Variants in GATA4 observed in about 807,000 individuals in gnomAD.
GATA4 encodes the protein transcription factor GATA-4.
Under a neutral mutation model 37.9 loss-of-function variants are expected in GATA4, and 7 were observed. The observed-to-expected ratio is 0.18, with a 90% CI of 0.11 to 0.35. GATA4 has a LOEUF of 0.35. Among genes scored for constraint, GATA4 ranks in the 10% least tolerant of loss-of-function variants. The pLI, the probability that GATA4 is intolerant of heterozygous loss-of-function variation, is 1.00. For missense variants in GATA4, 647 were observed against 653.0 expected (o/e 0.99, Z 0.10); for synonymous variants, 372 against 292.6 (o/e 1.27, Z -2.77).
At chr8:11,696,654 A>G (rs1245150081) in intron 1 of GATA4, among the ~76,000 whole-genome samples, 2 of 152,220 alleles carry the variant, frequency 1.3e-5, no homozygotes, top group East Asian at 3.9e-4. Flanking sequence ...GCTCATTGCA[A>G]ATAGTATATC....
intron 1 of GATA4, among the ~76,000 whole-genome samples, chr8:11,680,128 G>T (rs557460867): frequency 3.3e-5 from 5 of 152,354 alleles, no homozygotes; most frequent in African/African-American, 9.6e-5. Context: ...CGCGCAGCCC[G>T]CGGGGAAAAC....
intron 1 of GATA4, among the ~76,000 whole-genome samples, chr8:11,682,242 C>T (rs1585544471): frequency 6.6e-6 from 1 of 152,310 alleles, no homozygotes; most frequent in East Asian, 1.9e-4. Flanking sequence ...GATGGCTTCT[C>T]CTGCTACATC....
chr8:11,715,333 T>A (rs1026531709), intron 2 of GATA4, among the ~76,000 whole-genome samples: 42 of 152,242 alleles, frequency 2.8e-4, no homozygotes, highest in African/African-American at 9.9e-4. Flanking sequence ...GCCTTGGAAC[T>A]TTTTGAATTT....
intron 2 of GATA4, among the ~76,000 whole-genome samples, chr8:11,717,745 A>G (rs1342097787): frequency 1.3e-5 from 2 of 152,164 alleles, no homozygotes; most frequent in Non-Finnish European, 2.9e-5. Flanking sequence ...GCTTCCCACC[A>G]ATCACTGTCT....
intron 1 of GATA4, chr8:11,681,229 G>C: frequency 2.0e-6 from 2 of 985,348 alleles, no homozygotes; most frequent in Non-Finnish European, 2.4e-6. Flanking sequence ...ATTTCTCGAC[G>C]TTTGGGGACT....
chr8:11,701,244 G>GAAAAAA (rs56051265), upstream of GATA4, among the ~76,000 whole-genome samples: 1 of 126,416 alleles, frequency 7.9e-6, no homozygotes, highest in Non-Finnish European at 1.6e-5. Flanking sequence ...CAGGTTCTTA[G>GAAAAAA]AAAAAAAAAA....
chr8:11,727,201 A>C (rs1007002973), intron 2 of GATA4, among the ~76,000 whole-genome samples: 1 of 152,172 alleles, frequency 6.6e-6, no homozygotes, highest in African/African-American at 2.4e-5. Flanking sequence ...CAGAAGTGAC[A>C]AGACACTTTT....
At position 11,759,763 on chromosome 8, in the gene GATA4, T is replaced by C. The variant is rs1802802228; in HGVS notation, c.*1288T>C. On this transcript the variant is annotated 3_prime_UTR_variant, in exon 7 of 7. Coordinates refer to ENST00000532059, the MANE Select transcript of GATA4 (RefSeq NM_001308093.3). ...TCCTTCCTCTTTCTCAGCAGAGCTGTAGCTGACTGTGGCATTACTACGCCT... is the reference window on the plus strand; with the variant it reads ...TCCTTCCTCTTTCTCAGCAGAGCTGCAGCTGACTGTGGCATTACTACGCCT... 6.6e-6 allele frequency: 1 copy of C among 152,286 alleles called. No homozygotes were observed. The highest frequency in any genetic ancestry group is 1.5e-5 in the Non-Finnish European group (1 of 68,068). 9.4% of individuals were successfully genotyped at this position (152,286 alleles called of 1,614,324 possible). A position where few individuals can be genotyped will look rare whatever the true frequency, so the allele number is the denominator to read the frequency against.
Position 11,756,968 on chromosome 8 carries a change from G to C in GATA4, c.1034G>C (p.Ser345Thr). 1 of 1,614,234 alleles carries C rather than the reference G, an allele frequency of 6.2e-7. No individual in the cohort carries two copies. The highest frequency in any genetic ancestry group is 8.5e-7 in the Non-Finnish European group (1 of 1,180,052). ...PSGSESLPPA[S>T]GASSNSSNAT... is the part of the protein sequence containing the mutation. Reference sequence around the variant, plus strand: ...GGCAGTGAGAGCCTTCCTCCCGCCAGCGGTGCTTCCAGCAACTCCAGCAAC... The same window carrying C: ...GGCAGTGAGAGCCTTCCTCCCGCCACCGGTGCTTCCAGCAACTCCAGCAAC... Residue 345 changes from serine (S) to threonine (T), a missense_variant, in exon 6 of 7, where the codon AGC becomes ACC. Coordinates refer to ENST00000532059, the MANE Select transcript of GATA4 (RefSeq NM_001308093.3).
upstream of GATA4, among the ~76,000 whole-genome samples, chr8:11,688,674 G>A (rs1244179230): frequency 2.0e-5 from 3 of 152,150 alleles, no homozygotes; most frequent in Admixed American, 6.5e-5. Flanking sequence ...TGTGACTAGG[G>A]GAGCCACAAC....
At chr8:11,740,654 G>C (rs2130260077) in intron 2 of GATA4, among the ~76,000 whole-genome samples, 1 of 152,312 alleles carries the variant, frequency 6.6e-6, no homozygotes, top group Non-Finnish European at 1.5e-5. Context: ...GGGGCAAAAT[G>C]CTGCCATTCG....
intron 2 of GATA4, among the ~76,000 whole-genome samples, chr8:11,733,563 T>C (rs1328118329): frequency 6.6e-6 from 1 of 152,240 alleles, no homozygotes; most frequent in Non-Finnish European, 1.5e-5. Context: ...TCAAATATCA[T>C]GTACAGCTAA....
At chr8:11,713,518 G>T (rs1209839868) in intron 2 of GATA4, among the ~76,000 whole-genome samples, 1 of 152,038 alleles carries the variant, frequency 6.6e-6, no homozygotes, top group Non-Finnish European at 1.5e-5. Flanking sequence ...TGGGCAGGAT[G>T]GAAGAGGGTT....
intron 2 of GATA4, among the ~76,000 whole-genome samples, chr8:11,723,284 A>G (rs1256456283): frequency 6.6e-6 from 1 of 151,830 alleles, no homozygotes; most frequent in Non-Finnish European, 1.5e-5. Context: ...TTGACCTGGG[A>G]GTTCGAGGCT....
intron 2 of GATA4, among the ~76,000 whole-genome samples, chr8:11,746,218 A>T (rs906607485): frequency 6.7e-6 from 1 of 150,348 alleles, no homozygotes; most frequent in Admixed American, 6.6e-5. Flanking sequence ...ACAGAGTGAG[A>T]CTCTGTCTCA....
intron 2 of GATA4, among the ~76,000 whole-genome samples, chr8:11,728,549 A>G (rs141281694): frequency 1.9e-4 from 28 of 149,192 alleles, no homozygotes; most frequent in African/African-American, 6.7e-4. Context: ...TTTTTTAATT[A>G]TCATTTTACT....
intron 1 of GATA4, among the ~76,000 whole-genome samples, chr8:11,679,548 G>C (rs1244292206): frequency 3.9e-5 from 6 of 152,358 alleles, no homozygotes; most frequent in African/African-American, 1.4e-4. Flanking sequence ...GACTGCTGGG[G>C]TCCGAGCCCT....
intron 2 of GATA4, among the ~76,000 whole-genome samples, chr8:11,728,867 T>G (rs1307077897): frequency 6.6e-6 from 1 of 152,186 alleles, no homozygotes; most frequent in African/African-American, 2.4e-5. Context: ...ATAATTTCTC[T>G]TACATAGGGG....
At position 11,708,988 on chromosome 8, in the gene GATA4, C is replaced by T. The variant is rs1477073940; in HGVS notation, c.616+60C>T. 2.7e-6 allele frequency: 4 copies of T among 1,468,890 alleles called. No individual in the cohort carries two copies. Among genetic ancestry groups the T allele is most frequent in the African/African-American group, 2.9e-5 (2 of 69,326 alleles). The allele number at this position is 1,468,890 out of a possible 1,614,324, so 91.0% of individuals were successfully genotyped here. A position where few individuals can be genotyped will look rare whatever the true frequency, so the allele number is the denominator to read the frequency against. On this transcript the variant is annotated intron_variant, in intron 2 of 6. Coordinates refer to ENST00000532059, the MANE Select transcript of GATA4 (RefSeq NM_001308093.3). The surrounding 1 kb of genome is among the most constrained non-coding windows in gnomAD (Gnocchi z 6.7). ...GCCGGGGCAGGGGCCGTCTTGAGCC[C>T]TGTCGAGGGCCTCTTGTTTTTCCAC...
Sources: gnomAD v4.1 joint callset for allele counts (sites outside exome capture counted in the v4.1 genomes callset) on GRCh38, gnomAD v4.1.1 for gene constraint, Gnocchi (gnomAD v3.1) non-coding constraint, MANE v1.5 for transcripts, NCBI Gene and HGNC (gene_info 2026-07-23, HGNC 2026-07-21) for gene names.